The following KDM4C variants were observed in gnomAD, a reference collection of about 807,000 sequenced individuals.
The protein encoded by KDM4C is lysine-specific demethylase 4C.
KDM4C carries 81 observed loss-of-function variants against 129.3 expected under a neutral mutation model. The ratio of observed to expected loss-of-function variants is 0.63; its 90% CI spans 0.52 to 0.75. The LOEUF is 0.75. Ranked by LOEUF, KDM4C falls within the 30% of genes least tolerant of loss-of-function variation. The pLI is 0.00. For missense variants in KDM4C, 1,457 were observed against 1,304.0 expected (o/e 1.12, Z -1.81); for synonymous variants, 573 against 456.1 (o/e 1.26, Z -3.26).
At chr9:7,104,481 A>G (rs186908038) in intron 18 of KDM4C, 2 of 152,212 alleles carry the variant, frequency 1.3e-5, no homozygotes, top group African/African-American at 4.8e-5. Context: ...AGAAATATAG[A>G]GAACAATTTT....
chr9:7,022,051 A>T (rs1450229210), intron 15 of KDM4C, among the ~76,000 whole-genome samples: 3 of 152,158 alleles, frequency 2.0e-5, no homozygotes, highest in Non-Finnish European at 2.9e-5. Flanking sequence ...CATTTTGGTT[A>T]CTACAGCTCT....
intron 15 of KDM4C, among the ~76,000 whole-genome samples, chr9:7,017,909 G>A (rs934250523): frequency 6.6e-6 from 1 of 152,108 alleles, no homozygotes; most frequent in Non-Finnish European, 1.5e-5. Context: ...TTTATTGCTG[G>A]CATTCACTTT....
At chr9:6,771,080 C>CTTTTTTTTTTTTT (rs35945405) in intron 1 of KDM4C, among the ~76,000 whole-genome samples, 1 of 56,970 alleles carries the variant, frequency 1.8e-5, no homozygotes, top group African/African-American at 7.6e-5. Flanking sequence ...GACTGTGAAT[C>CTTTTTTTTTTTTT]TTTTTTTTTT....
intron 12 of KDM4C, among the ~76,000 whole-genome samples, chr9:7,003,469 T>C (rs1821102155): frequency 1.3e-5 from 2 of 151,876 alleles, no homozygotes; most frequent in African/African-American, 4.8e-5. Flanking sequence ...TTTGAAGTTG[T>C]GTCCTTTGGA....
intron 15 of KDM4C, among the ~76,000 whole-genome samples, chr9:7,019,881 C>T (rs1205586972): frequency 1.3e-5 from 2 of 151,096 alleles, no homozygotes; most frequent in Non-Finnish European, 3.0e-5. Flanking sequence ...CGGCTTCAGC[C>T]TGGGCAAAAC....
At chr9:6,989,510 G>C (rs2131900140) in intron 11 of KDM4C, among the ~76,000 whole-genome samples, 1 of 152,034 alleles carries the variant, frequency 6.6e-6, no homozygotes, top group South Asian at 2.1e-4. Flanking sequence ...TAAATCCCAG[G>C]ACAAAAAAAT....
chr9:6,859,510 G>A (rs1410049623), intron 5 of KDM4C, among the ~76,000 whole-genome samples: 1 of 146,300 alleles, frequency 6.8e-6, no homozygotes. Context: ...AATCGTCTCT[G>A]GTAACACAGA....
intron 21 of KDM4C, among the ~76,000 whole-genome samples, chr9:7,173,610 G>C (rs112468095): frequency 3.4e-4 from 51 of 152,192 alleles, no homozygotes; most frequent in African/African-American, 1.2e-3. Context: ...CAAGAAGAAA[G>C]GCTGAAGGGC....
At chr9:6,772,668 T>C (rs1418073733) in intron 1 of KDM4C, among the ~76,000 whole-genome samples, 1 of 149,812 alleles carries the variant, frequency 6.7e-6, no homozygotes, top group Non-Finnish European at 1.5e-5. Context: ...GCACAGATTA[T>C]TTTCTTTGAT....
At chr9:6,965,508 G>T (rs972316888) in intron 8 of KDM4C, among the ~76,000 whole-genome samples, 4 of 152,114 alleles carry the variant, frequency 2.6e-5, no homozygotes, top group African/African-American at 9.7e-5. Context: ...TCTGTTTATG[G>T]ATATGTCAGC....
intron 8 of KDM4C, among the ~76,000 whole-genome samples, chr9:6,907,944 T>C (rs539387249): frequency 6.6e-6 from 1 of 152,204 alleles, no homozygotes; most frequent in Non-Finnish European, 1.5e-5. Flanking sequence ...CAAAGATTCA[T>C]AGACAGTGTG....
chr9:6,796,131 T>C (rs1324609149), intron 2 of KDM4C, among the ~76,000 whole-genome samples: 2 of 152,290 alleles, frequency 1.3e-5, no homozygotes, highest in East Asian at 3.9e-4. Context: ...AACTTCTTTA[T>C]TGGGTTAGCT....
At chr9:7,106,222 A>G (rs1019854915) in intron 18 of KDM4C, among the ~76,000 whole-genome samples, 2 of 152,184 alleles carry the variant, frequency 1.3e-5, no homozygotes, top group African/African-American at 4.8e-5. Context: ...ATTTGCCCCT[A>G]TTGCTTTAAA....
chr9:6,762,349 G>T (rs72699617), intron 1 of KDM4C, among the ~76,000 whole-genome samples: 14,473 of 145,900 alleles, frequency 0.099, 811 homozygotes, highest in Non-Finnish European at 0.11. Flanking sequence ...AAAAATTTCT[G>T]TTTGTAGAGA....
chr9:6,907,355 T>TC (rs1219821735), intron 8 of KDM4C, among the ~76,000 whole-genome samples: 1 of 152,212 alleles, frequency 6.6e-6, no homozygotes. Flanking sequence ...GCGGTCTACT[T>TC]CTGTGAGGTT....
At chr9:6,996,177 T>G (rs1187258073) in intron 12 of KDM4C, among the ~76,000 whole-genome samples, 1 of 152,210 alleles carries the variant, frequency 6.6e-6, no homozygotes, top group African/African-American at 2.4e-5. Flanking sequence ...TGATTCACAC[T>G]CACAAATGTT....
chr9:6,977,600 C>G (rs1833147817), intron 8 of KDM4C, among the ~76,000 whole-genome samples: 1 of 152,122 alleles, frequency 6.6e-6, no homozygotes, highest in African/African-American at 2.4e-5. Flanking sequence ...TTTACAGCAT[C>G]CTACCTTGGA....
At position 7,119,437 on chromosome 9, in the gene KDM4C, C is replaced by G. The variant is rs995978027; in HGVS notation, c.2611-8629C>G. Among the ~76,000 whole-genome samples the G allele has an allele frequency of 3.7e-4, 57 of 152,082 alleles. 4 individuals are homozygous for G. Among genetic ancestry groups the G allele is most frequent in the Non-Finnish European group, 1.0e-4 (7 of 68,016 alleles). The stretch of plus-strand genomic sequence containing the variant: ...TGAGCATAGGCAGAGACTGCATTAA[C>G]AGTTTTTGTAACTGTCTACAATGGA... On this transcript the variant is annotated intron_variant, in intron 18 of 21. Transcript: ENST00000381309.
At chr9:7,083,516 T>C (rs1460448123) in intron 17 of KDM4C, among the ~76,000 whole-genome samples, 2 of 152,196 alleles carry the variant, frequency 1.3e-5, no homozygotes, top group East Asian at 3.8e-4. Context: ...GTATAGCCTA[T>C]TGCTCCTAGC....
Sources: allele counts gnomAD v4.1 joint callset (sites outside exome capture counted in the v4.1 genomes callset), GRCh38; gene constraint gnomAD v4.1.1; transcripts MANE v1.5; gene names NCBI Gene and HGNC (gene_info 2026-07-23, HGNC 2026-07-21).